The following SERPINA1 variants were observed in gnomAD, a reference collection of about 807,000 sequenced individuals.
SERPINA1 encodes the protein serpin family A member 1.
A neutral mutation model predicts 25.4 loss-of-function variants in SERPINA1; 21 were observed. That is an observed-to-expected ratio of 0.83 (90% CI 0.59 to 1.19). The LOEUF (loss-of-function observed/expected upper bound fraction) is 1.19, where lower values mean the gene tolerates loss of function less well. SERPINA1 is among the 50% of genes most tolerant of loss of function. The probability of loss-of-function intolerance (pLI) is 0.00; values close to 1 mark genes in which losing one functional copy is unlikely to be tolerated. For missense variants in SERPINA1, 546 were observed against 509.0 expected (o/e 1.07, Z -0.70); for synonymous variants, 218 against 211.1 (o/e 1.03, Z -0.29).
Position 94,383,038 on chromosome 14 carries a change from T to G in SERPINA1, c.200A>C (p.His67Pro). The G allele has an allele frequency of 6.2e-7, 1 of 1,612,976 alleles. No individual in the cohort carries two copies. The highest frequency in any genetic ancestry group is 8.5e-7 in the Non-Finnish European group (1 of 1,178,956). ...GAAGATATTGGTGCTGTTGGACTGG[T>G]GTGCCAGCTGGCGGTATAGGCTGAA... ...FAFSLYRQLA[H>P]QSNSTNIFFS... The change falls in exon 2 of 5, where the codon CAC becomes CCC. Residue 67 changes from histidine (H) to proline (P), a missense_variant. His to Pro is a moderately conservative substitution (Grantham distance 77). Coordinates refer to ENST00000393087, the MANE Select transcript of SERPINA1 (RefSeq NM_000295.5).
chr14:94,378,481 T>G lies in SERPINA1; in HGVS notation c.1225A>C (p.Met409Leu), dbSNP rs149800596. ...TGGGTGGGATTCACCACTTTTCCCA[T>G]GAAGAGGGGAGACTTGGTATTTTGT... ...IEQNTKSPLF[M>L]GKVVNPTQK Residue 409 changes from methionine to leucine, a missense_variant, in exon 5 of 5, where the codon ATG becomes CTG. By Grantham distance (15) the Met-to-Leu change is conservative. Transcript: ENST00000393087. 6.2e-7 allele frequency: 1 copy of G among 1,613,950 alleles called. No individual in the cohort carries two copies. Among genetic ancestry groups the G allele is most frequent in the Admixed American group, 1.7e-5 (1 of 60,000 alleles).
intron 4 of SERPINA1, 82 bp from the exon 5 acceptor site, chr14:94,378,722 C>T (rs1286090654): frequency 1.3e-5 from 18 of 1,400,220 alleles, no homozygotes; most frequent in South Asian, 4.9e-5. Flanking sequence ...TCCCAGGAAG[C>T]GCTCACTCCC....
chr14:94,379,393 C>T (rs1896669909), intron 4 of SERPINA1, 71 bp downstream of exon 4: 1 of 1,600,882 alleles, frequency 6.2e-7, no homozygotes. Flanking sequence ...AGCCTCAGGA[C>T]AGAGCTGCAG....
At position 94,382,969 on chromosome 14, in the gene SERPINA1, A is replaced by C. The variant is rs564267551; in HGVS notation, c.269T>G (p.Leu90Arg). The change falls in exon 2 of 5, where the codon CTG becomes CGG. Residue 90 changes from leucine (L) to arginine (R), a missense_variant. Leu to Arg is a moderately radical substitution (Grantham distance 102, BLOSUM62 -2). Transcript: ENST00000393087. ...ATCGTGAGTGTCAGCCTTGGTCCCC[A>C]GGGAGAGCATTGCAAAGGCTGTAGC... ...SIATAFAMLSLGTKADTHDEI... is the reference protein window; with the variant it reads ...SIATAFAMLSRGTKADTHDEI... The C allele has an allele frequency of 3.1e-6, 5 of 1,608,346 alleles. No homozygotes were observed. In the African/African-American group the frequency reaches 5.3e-5, roughly 17 times the overall value.
chr14:94,389,914 G>A (rs533046070), upstream of SERPINA1: 1 of 152,322 alleles, frequency 6.6e-6, no homozygotes, highest in East Asian at 1.9e-4. Context: ...CTGTAAAATG[G>A]GGATGGTGAC....
chr14:94,389,790 C>G (rs1897565194), upstream of SERPINA1: 1 of 152,304 alleles, frequency 6.6e-6, no homozygotes, highest in Non-Finnish European at 1.5e-5. Flanking sequence ...GGGGCTCTAC[C>G]AGGCGAGTGA....
At chr14:94,379,674 C>T (rs938319999) in intron 3 of SERPINA1, 63 bp from the exon 4 acceptor site, 1 of 1,608,764 alleles carries the variant, frequency 6.2e-7, no homozygotes, top group Non-Finnish European at 8.5e-7. Flanking sequence ...CTGGGACCCA[C>T]CACAGTGCAA....
intron 1 of SERPINA1, among the ~76,000 whole-genome samples, chr14:94,386,431 G>C (rs1460173882): frequency 6.6e-6 from 1 of 152,220 alleles, no homozygotes; most frequent in East Asian, 1.9e-4. Context: ...CAAACAACCT[G>C]TTGAACTGGG....
rs532423675 is a variant in SERPINA1 at position 94,386,412 on chromosome 14, G to A, written c.-5+2148C>T. 1.8e-4 allele frequency among the ~76,000 whole-genome samples: 27 copies of A among 152,286 alleles called. No individual in the cohort carries two copies. In the South Asian group the frequency reaches 5.0e-3, roughly 28 times the overall value. On this transcript the variant is annotated intron_variant, in intron 1 of 4. Transcript: ENST00000393087. ...GGCAGGGTGCAGGGAAGAGAATCTC[G>A]CCTATGGTCAAACAACCTGTTGAAC...
rs574344564 is a variant in SERPINA1 at position 94,377,880 on chromosome 14, G to T, written c.*569C>A. ...AGGGCCCGAGTCTGGTTAGGTGACAGCGGGTCAAGAGGAGGACATTGTCCT... is the reference window on the plus strand; with the variant it reads ...AGGGCCCGAGTCTGGTTAGGTGACATCGGGTCAAGAGGAGGACATTGTCCT... On this transcript the variant is annotated 3_prime_UTR_variant, in exon 5 of 5. Coordinates refer to ENST00000393087, the MANE Select transcript of SERPINA1 (RefSeq NM_000295.5). 1 of 159,834 alleles carries T rather than the reference G, an allele frequency of 6.3e-6. No homozygotes were observed. The highest frequency in any genetic ancestry group is 1.4e-5 in the Non-Finnish European group (1 of 72,152). 9.9% of individuals were successfully genotyped at this position (159,834 alleles called of 1,614,324 possible).
intron 1 of SERPINA1, among the ~76,000 whole-genome samples, chr14:94,384,715 C>T (rs976907548): frequency 2.9e-4 from 44 of 152,120 alleles, no homozygotes; most frequent in African/African-American, 9.9e-4. Context: ...AAAACCAAAA[C>T]CATCATCTTA....
intron 1 of SERPINA1, among the ~76,000 whole-genome samples, chr14:94,387,656 CT>C (rs1897370612): frequency 6.6e-6 from 1 of 152,276 alleles, no homozygotes; most frequent in East Asian, 1.9e-4. Context: ...CATCCAGCGC[CT>C]GAGACCCAAG....
At chr14:94,379,023 A>C in intron 4 of SERPINA1, 1 of 529,610 alleles carries the variant, frequency 1.9e-6, no homozygotes. Flanking sequence ...CATTCATGGA[A>C]CTGCAGTTGT....
rs761711628 is a variant in SERPINA1 at position 94,379,496 on chromosome 14, C to A, written c.1033G>T (p.Val345Phe). 108 of 1,613,866 alleles carry A rather than the reference C, an allele frequency of 6.7e-5. 1 individual carries two copies. The South Asian group carries it at 9.8e-4, about 15-fold the overall frequency. The change falls in exon 4 of 5, where the codon GTC becomes TTC. Residue 345 changes from valine to phenylalanine, a missense_variant. Coordinates refer to ENST00000393087, the MANE Select transcript of SERPINA1 (RefSeq NM_000295.5). Reference protein sequence around the residue: ...VFSNGADLSGVTEEAPLKLSK... With the variant: ...VFSNGADLSGFTEEAPLKLSK... ...AGCTTCAGGGGTGCCTCCTCTGTGA[C>A]CCCGGAGAGGTCAGCCCCATTGCTG...
At chr14:94,379,989 TAAGAG>T (rs1335945042) in intron 3 of SERPINA1, among the ~76,000 whole-genome samples, 1 of 145,056 alleles carries the variant, frequency 6.9e-6, no homozygotes, top group East Asian at 2.1e-4. Flanking sequence ...GTTTAGTGGA[TAAGAG>T]AAGAGTGACC....
At position 94,377,968 on chromosome 14, in the gene SERPINA1, C is replaced by T. The variant is rs1243165; in HGVS notation, c.*481G>A. ...ACGGCACGATCAGGCAGTTCTGGGG[C>T]CCCCAGGAGGGCAGCCTTGGGGTGG... is the stretch of plus-strand genomic sequence containing the variant. On this transcript the variant is annotated 3_prime_UTR_variant, in exon 5 of 5. Coordinates refer to ENST00000393087, the MANE Select transcript of SERPINA1 (RefSeq NM_000295.5). The T allele has an allele frequency of 0.29, 51,758 of 179,074 alleles. 10,064 individuals are homozygous for T. The highest frequency in any genetic ancestry group is 0.56 in the African/African-American group (23,488 of 41,816). The allele number at this position is 179,074 out of a possible 1,614,324, so 11.1% of individuals were successfully genotyped here. A position where few individuals can be genotyped will look rare whatever the true frequency, so the allele number is the denominator to read the frequency against.
At chr14:94,382,233 G>C (rs1896977261) in intron 2 of SERPINA1, among the ~76,000 whole-genome samples, 1 of 152,138 alleles carries the variant, frequency 6.6e-6, no homozygotes, top group Non-Finnish European at 1.5e-5. Flanking sequence ...ACTGATTCTG[G>C]GACACTAGAG....
chr14:94,378,552 G>C lies in SERPINA1; in HGVS notation c.1154C>G (p.Pro385Arg). ...MFLEAIPMSI[P>R]PEVKFNKPFV... ...GGGTTTGTTGAACTTGACCTCGGGG[G>C]GGATAGACATGGGTATGGCCTCTAA... is the stretch of plus-strand genomic sequence containing the variant. Residue 385 changes from proline (P) to arginine (R), a missense_variant, in exon 5 of 5, where the codon CCC (proline) becomes CGC (arginine). Pro to Arg is a moderately radical substitution (Grantham distance 103). Coordinates refer to ENST00000393087, the MANE Select transcript of SERPINA1 (RefSeq NM_000295.5). 2.5e-6 allele frequency: 4 copies of C among 1,614,030 alleles called. No individual in the cohort carries two copies. The highest frequency in any genetic ancestry group is 3.4e-6 in the Non-Finnish European group (4 of 1,179,990).
chr14:94,379,174 G>A, intron 4 of SERPINA1: 1 of 597,560 alleles, frequency 1.7e-6, no homozygotes, highest in South Asian at 2.0e-5. Flanking sequence ...GTGTCAGTAT[G>A]GATAAATCAA....
Sources: allele counts gnomAD v4.1 joint callset (sites outside exome capture counted in the v4.1 genomes callset), GRCh38; gene constraint gnomAD v4.1.1; transcripts MANE v1.5; gene names NCBI Gene and HGNC (gene_info 2026-07-23, HGNC 2026-07-21).